The following RHEB variants were observed in gnomAD, a reference collection of about 807,000 sequenced individuals.
RHEB encodes the protein GTP-binding protein Rheb.
RHEB carries 2 observed loss-of-function variants against 28.8 expected under a neutral mutation model. The ratio of observed to expected loss-of-function variants is 0.07; its 90% CI spans 0.03 to 0.22. The LOEUF (loss-of-function observed/expected upper bound fraction) is 0.22, where lower values mean the gene tolerates loss of function less well. Among genes scored for constraint, RHEB ranks in the 10% least tolerant of loss-of-function variants. The pLI, the probability that RHEB is intolerant of heterozygous loss-of-function variation, is 1.00. For missense variants in RHEB, 76 were observed against 219.9 expected, an observed-to-expected ratio of 0.35 and a Z score of 4.14; for synonymous variants, 69 against 77.3, an observed-to-expected ratio of 0.89 and a Z score of 0.56.
At chr7:151,485,073 A>G (rs952497239) in intron 2 of RHEB, among the ~76,000 whole-genome samples, 1 of 152,230 alleles carries the variant, frequency 6.6e-6, no homozygotes, top group Non-Finnish European at 1.5e-5. Flanking sequence ...CATATCCTAT[A>G]ATAGTAATTT....
chr7:151,469,107 C>T (rs1802114632), intron 7 of RHEB, among the ~76,000 whole-genome samples: 1 of 152,200 alleles, frequency 6.6e-6, no homozygotes, highest in Non-Finnish European at 1.5e-5. Flanking sequence ...AGAAACTGAG[C>T]TGACTTCGAT....
At chr7:151,481,884 A>G (rs1463829765) in intron 3 of RHEB, among the ~76,000 whole-genome samples, 1 of 152,142 alleles carries the variant, frequency 6.6e-6, no homozygotes, top group Non-Finnish European at 1.5e-5. Context: ...TTTTGGTTTC[A>G]CTATTTGTAT....
At chr7:151,491,861 G>A (rs1802588462) in intron 1 of RHEB, among the ~76,000 whole-genome samples, 1 of 152,138 alleles carries the variant, frequency 6.6e-6, no homozygotes, top group African/African-American at 2.4e-5. Flanking sequence ...ATTAAGAAAT[G>A]TTATGGATTT....
intron 1 of RHEB, among the ~76,000 whole-genome samples, chr7:151,509,011 C>T (rs1308338618): frequency 1.3e-5 from 2 of 152,240 alleles, no homozygotes; most frequent in Admixed American, 1.3e-4. Flanking sequence ...TATTATAAAA[C>T]ATATTCACAC....
chr7:151,513,741 A>G (rs1306990555), intron 1 of RHEB, among the ~76,000 whole-genome samples: 1 of 152,246 alleles, frequency 6.6e-6, no homozygotes, highest in South Asian at 2.1e-4. Context: ...CAACTACCTG[A>G]AAAACTATTC....
In RHEB at chr7:151,468,765, G is replaced by A. The variant is rs1381778413; in HGVS notation, c.463-1554C>T. On this transcript the variant is annotated intron_variant, in intron 7 of 7. Coordinates refer to ENST00000262187, the MANE Select transcript of RHEB (RefSeq NM_005614.4). This position sits in a 1 kb window ranked among gnomAD's most constrained non-coding sequence, Gnocchi z 4.3. ...GAGGCGTCTGTCCTCCTAGTTAACTGAAGCCAACCCCAGGTCCCACCCCGC... is the reference window on the plus strand; with the variant it reads ...GAGGCGTCTGTCCTCCTAGTTAACTAAAGCCAACCCCAGGTCCCACCCCGC... Among the ~76,000 whole-genome samples, 1 of 152,174 alleles carries A rather than the reference G, an allele frequency of 6.6e-6. No homozygotes were observed. The highest frequency in any genetic ancestry group is 1.9e-4 in the East Asian group (1 of 5,202).
chr7:151,501,820 G>A (rs1563099257), intron 1 of RHEB: 1 of 427,344 alleles, frequency 2.3e-6, no homozygotes, highest in Non-Finnish European at 4.5e-6. Flanking sequence ...GAAAGAGCCG[G>A]TGTCCTACCA....
intron 1 of RHEB, 32 bp from the exon 2 acceptor site, chr7:151,491,046 T>G: frequency 6.5e-7 from 1 of 1,539,056 alleles, no homozygotes; most frequent in Non-Finnish European, 8.9e-7. Context: ...TAGTGTGTGT[T>G]GGCATATGAA....
At chr7:151,484,617 G>T in intron 3 of RHEB, 120 bp downstream of exon 3, 1 of 688,592 alleles carries the variant, frequency 1.5e-6, no homozygotes. Context: ...GGGAGTCAGG[G>T]ACTGTCTGCA....
chr7:151,503,400 A>C, intron 1 of RHEB: 1 of 1,149,228 alleles, frequency 8.7e-7, no homozygotes, highest in Non-Finnish European at 1.3e-6. Flanking sequence ...TGCAGTACCG[A>C]GTAGATTTCC....
At chr7:151,488,318 T>A (rs1802520204) in intron 2 of RHEB, among the ~76,000 whole-genome samples, 1 of 152,232 alleles carries the variant, frequency 6.6e-6, no homozygotes, top group Admixed American at 6.5e-5. Context: ...AGTCCCAGAA[T>A]TTTTGCTCAC....
intron 3 of RHEB, among the ~76,000 whole-genome samples, chr7:151,484,162 A>C (rs1802426806): frequency 6.6e-6 from 1 of 152,172 alleles, no homozygotes; most frequent in African/African-American, 2.4e-5. Context: ...CATAAGATTA[A>C]ATCAGCTAAT....
At chr7:151,477,018 G>A (rs956442875) in intron 4 of RHEB, among the ~76,000 whole-genome samples, 1 of 152,076 alleles carries the variant, frequency 6.6e-6, no homozygotes, top group Non-Finnish European at 1.5e-5. Context: ...CCTTAATATG[G>A]TAAAAACACA....
intron 2 of RHEB, among the ~76,000 whole-genome samples, chr7:151,486,822 A>G (rs1241849507): frequency 6.6e-6 from 1 of 152,194 alleles, no homozygotes; most frequent in Non-Finnish European, 1.5e-5. Context: ...CAGAACCAAA[A>G]GGATTTTCTG....
chr7:151,495,218 T>A (rs755244189), intron 1 of RHEB, among the ~76,000 whole-genome samples: 7 of 152,174 alleles, frequency 4.6e-5, no homozygotes, highest in Non-Finnish European at 8.8e-5. Flanking sequence ...TGGAAAAATG[T>A]TACATGAAAA....
intron 1 of RHEB, among the ~76,000 whole-genome samples, chr7:151,514,103 C>T (rs1016811206): frequency 4.6e-5 from 7 of 152,206 alleles, no homozygotes; most frequent in East Asian, 1.9e-4. Flanking sequence ...CACTTCATCT[C>T]GGACAAGGGA....
intron 6 of RHEB, among the ~76,000 whole-genome samples, chr7:151,470,957 T>C (rs760964083): frequency 1.7e-4 from 26 of 152,180 alleles, no homozygotes; most frequent in African/African-American, 2.9e-4. Context: ...TACAGCTAGG[T>C]TGTAAGCACC....
intron 1 of RHEB, among the ~76,000 whole-genome samples, chr7:151,494,087 A>T (rs1198820609): frequency 6.6e-6 from 1 of 152,204 alleles, no homozygotes. Flanking sequence ...AAATGGAAAG[A>T]AAGGAAAGAA....
chr7:151,514,090 G>A (rs144145108), intron 1 of RHEB, among the ~76,000 whole-genome samples: 10 of 152,120 alleles, frequency 6.6e-5, no homozygotes, highest in East Asian at 1.9e-4. Context: ...TTCTATTGAC[G>A]GTCACTTCAT....
Sources: allele counts gnomAD v4.1 joint callset (sites outside exome capture counted in the v4.1 genomes callset), GRCh38; gene constraint gnomAD v4.1.1; non-coding constraint Gnocchi (gnomAD v3.1); transcripts MANE v1.5; gene names NCBI Gene and HGNC (gene_info 2026-07-23, HGNC 2026-07-21).